The following IQSEC3 variants were observed in gnomAD, a reference collection of about 807,000 sequenced individuals.
IQSEC3 encodes the protein IQ motif and SEC7 domain-containing protein 3.
IQSEC3 carries 50 observed loss-of-function variants against 105.4 expected under a neutral mutation model. The observed-to-expected ratio is 0.47, with a 90% CI of 0.38 to 0.60. IQSEC3 has a LOEUF of 0.60. Among genes scored for constraint, IQSEC3 ranks in the 20% least tolerant of loss-of-function variants. The pLI is 0.00. For synonymous variants in IQSEC3, 708 were observed against 746.0 expected (o/e 0.95, Z 0.83); for missense variants, 1,415 against 1,630.0 (o/e 0.87, Z 2.27).
chr12:127,090 T>G (rs560927674), intron 3 of IQSEC3, among the ~76,000 whole-genome samples: 1 of 152,132 alleles, frequency 6.6e-6, no homozygotes, highest in African/African-American at 2.4e-5. Flanking sequence ...TCCCAGGGAG[T>G]TGAGTGGACA....
chr12:73,091 TAAATAAAA>T (rs1260049683), intron 1 of IQSEC3, among the ~76,000 whole-genome samples: 1,493 of 144,208 alleles, frequency 0.01, 26 homozygotes, highest in African/African-American at 0.036. Flanking sequence ...AATAAATAAA[TAAATAAAA>T]AAGGGAATCA....
chr12:87,191 G>A (rs1555072278), intron 1 of IQSEC3, among the ~76,000 whole-genome samples: 1 of 152,126 alleles, frequency 6.6e-6, no homozygotes, highest in African/African-American at 2.4e-5. Flanking sequence ...GGGCTTGGAG[G>A]ATGGAGGTTC....
intron 2 of IQSEC3, among the ~76,000 whole-genome samples, chr12:102,580 A>T (rs911369391): frequency 2.0e-5 from 3 of 152,176 alleles, no homozygotes; most frequent in Non-Finnish European, 2.9e-5. Context: ...AGAAAGACCC[A>T]GGGCCAGAAC....
intron 1 of IQSEC3, among the ~76,000 whole-genome samples, chr12:92,161 A>C (rs1555073645): frequency 6.6e-6 from 1 of 152,200 alleles, no homozygotes; most frequent in African/African-American, 2.4e-5. Context: ...CTGAAGCCAC[A>C]GGGGACTGAA....
intron 8 of IQSEC3, 104 bp downstream of exon 8, chr12:162,169 T>G: frequency 7.7e-7 from 1 of 1,293,022 alleles, no homozygotes; most frequent in South Asian, 1.4e-5. Flanking sequence ...TTTTTCATAT[T>G]CATTCACATG....
In IQSEC3 at chr12:125,615, G is replaced by T; in HGVS notation, c.624-18G>T. On this transcript the variant is annotated intron_variant, in intron 2 of 13. Coordinates refer to ENST00000538872, the MANE Select transcript of IQSEC3 (RefSeq NM_001170738.2). ...TCGCCCTCTCCCCCAACCGAGCACCGTTGCCTTCTGTTCACAGTGATGGCT... is the reference window on the plus strand; with the variant it reads ...TCGCCCTCTCCCCCAACCGAGCACCTTTGCCTTCTGTTCACAGTGATGGCT... The T allele has an allele frequency of 6.8e-7, 1 of 1,478,662 alleles. No individual in the cohort carries two copies. Among genetic ancestry groups the T allele is most frequent in the Non-Finnish European group, 8.9e-7 (1 of 1,124,580 alleles). 91.6% of individuals were successfully genotyped at this position (1,478,662 alleles called of 1,614,324 possible).
intron 5 of IQSEC3, among the ~76,000 whole-genome samples, chr12:142,941 G>A (rs1400422213): frequency 6.6e-6 from 1 of 152,198 alleles, no homozygotes; most frequent in Non-Finnish European, 1.5e-5. Context: ...TCTGCTCTGG[G>A]GGCAGGAGTG....
At chr12:117,559 G>A (rs1308945608) in intron 2 of IQSEC3, among the ~76,000 whole-genome samples, 1 of 152,184 alleles carries the variant, frequency 6.6e-6, no homozygotes, top group African/African-American at 2.4e-5. Flanking sequence ...GTCTGCAGGA[G>A]CCACCCTGTG....
At chr12:126,242 C>G (rs547094904) in intron 3 of IQSEC3, among the ~76,000 whole-genome samples, 1 of 152,366 alleles carries the variant, frequency 6.6e-6, no homozygotes, top group Admixed American at 6.5e-5. Context: ...GGTGTCCCCA[C>G]CTCCATCTGC....
chr12:141,094 T>C (rs782760161), intron 4 of IQSEC3, 30 bp from the exon 5 acceptor site: 1 of 1,574,480 alleles, frequency 6.4e-7, no homozygotes, highest in Non-Finnish European at 8.7e-7. Flanking sequence ...CAGCTCACTC[T>C]CTACTGCTTC....
chr12:121,626 T>TG (rs1219685682), intron 2 of IQSEC3, among the ~76,000 whole-genome samples: 9 of 152,168 alleles, frequency 5.9e-5, no homozygotes, highest in Non-Finnish European at 1.3e-4. Context: ...TTTGGAAGGC[T>TG]GGGGAAGGCC....
chr12:127,573 G>GAA (rs782684462), intron 3 of IQSEC3, among the ~76,000 whole-genome samples: 59 of 145,270 alleles, frequency 4.1e-4, no homozygotes, highest in African/African-American at 1.4e-3. Context: ...TGGTTTTAAT[G>GAA]AAAAAAAAAA....
intron 1 of IQSEC3, among the ~76,000 whole-genome samples, chr12:72,017 A>G (rs1863338887): frequency 6.6e-6 from 1 of 152,256 alleles, no homozygotes; most frequent in African/African-American, 2.4e-5. Flanking sequence ...TTTTCATCCA[A>G]AAATAATGCA....
rs547185226 is a variant in IQSEC3 at position 140,927 on chromosome 12, C to T, written c.1992-197C>T. On this transcript the variant is annotated intron_variant, in intron 4 of 13. Coordinates refer to ENST00000538872, the MANE Select transcript of IQSEC3 (RefSeq NM_001170738.2). ...TGGAATTCACTTTGTTTGCAGATCT[C>T]CCCTGTCCTCCTTCTGGTCACACAC... 17 of 543,412 alleles carry T rather than the reference C, an allele frequency of 3.1e-5. No homozygotes were observed. In the South Asian group the frequency reaches 5.3e-4, roughly 17 times the overall value. 33.7% of individuals were successfully genotyped at this position (543,412 alleles called of 1,614,324 possible). A position where few individuals can be genotyped will look rare whatever the true frequency, so the allele number is the denominator to read the frequency against.
chr12:99,223 T>C lies in IQSEC3; in HGVS notation c.623+9T>C, dbSNP rs1439033957. On this transcript the variant is annotated intron_variant, in intron 2 of 13. Coordinates refer to ENST00000538872, the MANE Select transcript of IQSEC3 (RefSeq NM_001170738.2). Reference sequence around the variant, plus strand: ...GACCTGGCCTCCCAAAGGTGGGAACTGTGGCCCTTCCTCCCTTCCGCATCC... The same window carrying C: ...GACCTGGCCTCCCAAAGGTGGGAACCGTGGCCCTTCCTCCCTTCCGCATCC... The C allele has an allele frequency of 1.3e-6, 2 of 1,597,484 alleles. No individual in the cohort carries two copies. Among genetic ancestry groups the C allele is most frequent in the East Asian group, 2.2e-5 (1 of 44,850 alleles).
intron 3 of IQSEC3, among the ~76,000 whole-genome samples, chr12:126,902 T>C (rs1005716546): frequency 6.6e-6 from 1 of 152,238 alleles, no homozygotes; most frequent in African/African-American, 2.4e-5. Context: ...TCTCTTGGCA[T>C]TGATGCCAAG....
intron 5 of IQSEC3, among the ~76,000 whole-genome samples, chr12:151,476 C>T (rs1555092675): frequency 1.3e-5 from 2 of 152,162 alleles, no homozygotes; most frequent in Non-Finnish European, 2.9e-5. Flanking sequence ...CTGCCTTAGC[C>T]CAAGCCCCAT....
In IQSEC3 at chr12:66,829, G is replaced by C; in HGVS notation, c.-54G>C. On this transcript the variant is annotated 5_prime_UTR_variant, in exon 1 of 14. Transcript: ENST00000538872. ...TGGGCTGCTGGGCTCCCGCGCCCTCGCGCTCCCCGCCGCCAGCCCAGGCGC... is the reference window on the plus strand; with the variant it reads ...TGGGCTGCTGGGCTCCCGCGCCCTCCCGCTCCCCGCCGCCAGCCCAGGCGC... 2 of 1,331,136 alleles carry C rather than the reference G, an allele frequency of 1.5e-6. No homozygotes were observed. 82.5% of individuals were successfully genotyped at this position (1,331,136 alleles called of 1,614,324 possible). A position where few individuals can be genotyped will look rare whatever the true frequency, so the allele number is the denominator to read the frequency against.
rs190258470 is a variant in IQSEC3, at chr12:171,272, G to A, written c.3114+111G>A. 7.4e-6 allele frequency: 12 copies of A among 1,613,936 alleles called. No homozygotes were observed. In the East Asian group the frequency reaches 1.6e-4, roughly 21 times the overall value. On this transcript the variant is annotated intron_variant, in intron 13 of 13. Coordinates refer to ENST00000538872, the MANE Select transcript of IQSEC3 (RefSeq NM_001170738.2). The stretch of plus-strand genomic sequence containing the variant: ...GTATTAATCAATGCCTCCCCAGCCC[G>A]ACTCACCATTTTACCAATTTCAAGA...
Sources: gnomAD v4.1 joint callset for allele counts (sites outside exome capture counted in the v4.1 genomes callset) on GRCh38, gnomAD v4.1.1 for gene constraint, MANE v1.5 for transcripts, NCBI Gene and HGNC (gene_info 2026-07-23, HGNC 2026-07-21) for gene names.